Variants in ZNF695 observed in about 807,000 individuals in gnomAD.
The protein encoded by ZNF695 is zinc finger protein 695, also known as zinc finger protein SBZF3.
ZNF695 carries 11 observed loss-of-function variants against 11.2 expected under a neutral mutation model. The observed-to-expected ratio is 0.98, with a 90% CI of 0.62 to 1.62. The LOEUF (loss-of-function observed/expected upper bound fraction) is 1.62, where lower values mean the gene tolerates loss of function less well. Among genes scored for constraint, ZNF695 ranks in the 40% most tolerant of loss-of-function variants. The pLI is 0.00. For synonymous variants in ZNF695, 190 were observed against 201.4 expected (o/e 0.94, Z 0.48); for missense variants, 559 against 590.5 (o/e 0.95, Z 0.55).
At chr1:247,007,539 A>G (rs1210189746) in intron 1 of ZNF695, among the ~76,000 whole-genome samples, 1 of 148,774 alleles carries the variant, frequency 6.7e-6, no homozygotes, top group Non-Finnish European at 1.5e-5. Flanking sequence ...CCCACAGACC[A>G]CAGCTCCTCC....
chr1:246,961,987 G>A (rs1466696222), intron 5 of ZNF695, among the ~76,000 whole-genome samples: 1 of 152,226 alleles, frequency 6.6e-6, no homozygotes. Context: ...GACGGTGGTG[G>A]TGACGATCAC....
Position 246,985,575 on chromosome 1 carries a change from A to C in ZNF695, c.*1392T>G. 1 of 984,264 alleles carries C rather than the reference A, an allele frequency of 1.0e-6. No homozygotes were observed. The highest frequency in any genetic ancestry group is 1.7e-5 in the African/African-American group (1 of 57,258). 61.0% of individuals were successfully genotyped at this position (984,264 alleles called of 1,614,324 possible). A position where few individuals can be genotyped will look rare whatever the true frequency, so the allele number is the denominator to read the frequency against. ...TAACGTTGGTGGTAGGATACGCATC[A>C]CTTAATGTACAACGGTCCAAAGACA... is the stretch of plus-strand genomic sequence containing the variant. On this transcript the variant is annotated 3_prime_UTR_variant, in exon 4 of 4. Transcript: ENST00000339986.
downstream of ZNF695, among the ~76,000 whole-genome samples, chr1:246,983,928 G>C (rs1346260671): frequency 6.6e-6 from 1 of 152,032 alleles, no homozygotes; most frequent in Non-Finnish European, 1.5e-5. Context: ...GGCCAAGGCA[G>C]GTCAGTCACT....
At chr1:246,977,228 A>G (rs1180059171) in intron 4 of ZNF695, among the ~76,000 whole-genome samples, 1 of 152,178 alleles carries the variant, frequency 6.6e-6, no homozygotes, top group Non-Finnish European at 1.5e-5. Flanking sequence ...TGTTTTGTAC[A>G]AGGTTGTGAA....
At position 246,999,431 on chromosome 1, in the gene ZNF695, A is replaced by G. The variant is rs1276634172; in HGVS notation, c.176T>C (p.Met59Thr). ...ACAGATGATCAGTTCTGGCTTAGAC[A>G]TAGCAAGACCTGTTTTATTAGAAAA... ...NMQFLFHSLA[M>T]SKPELIICLE... The change falls in exon 3 of 4, where the codon ATG becomes ACG. Residue 59 changes from methionine (M) to threonine (T), a missense_variant. Transcript: ENST00000339986. 6.2e-6 allele frequency: 10 copies of G among 1,613,570 alleles called. No individual in the cohort carries two copies. The highest frequency in any genetic ancestry group is 1.7e-5 in the Admixed American group (1 of 59,986).
downstream of ZNF695, among the ~76,000 whole-genome samples, chr1:246,983,844 T>C (rs1235249506): frequency 6.7e-6 from 1 of 149,266 alleles, no homozygotes; most frequent in Non-Finnish European, 1.5e-5. Context: ...CAAACAAAAA[T>C]CTATCATCAC....
At chr1:247,003,065 A>C (rs894464742) in intron 1 of ZNF695, among the ~76,000 whole-genome samples, 8 of 152,208 alleles carry the variant, frequency 5.3e-5, no homozygotes, top group Non-Finnish European at 1.5e-5. Context: ...GATTTCTGAA[A>C]GAACTTAAAA....
intron 4 of ZNF695, among the ~76,000 whole-genome samples, chr1:246,972,561 G>A (rs548416502): frequency 4.6e-5 from 7 of 152,178 alleles, no homozygotes; most frequent in East Asian, 1.9e-4. Flanking sequence ...TCATTCTGTC[G>A]CCCAGGCTGG....
At chr1:247,005,433 T>C (rs948743170) in intron 1 of ZNF695, among the ~76,000 whole-genome samples, 9 of 152,172 alleles carry the variant, frequency 5.9e-5, no homozygotes, top group African/African-American at 2.2e-4. Flanking sequence ...GGCTCATGCA[T>C]GTAATCTCAG....
rs878975270 is a variant in ZNF695 at position 246,987,302 on chromosome 1, G to T, written c.1213C>A (p.Gln405Lys). 1 of 1,609,322 alleles carries T rather than the reference G, an allele frequency of 6.2e-7. No individual in the cohort carries two copies. Among genetic ancestry groups the T allele is most frequent in the Admixed American group, 1.7e-5 (1 of 59,550 alleles). The change falls in exon 4 of 4, where the codon CAG (glutamine) becomes AAG (lysine). Residue 405 changes from glutamine (Q) to lysine (K), a missense_variant. Transcript: ENST00000339986. ...LIQHKRIHTG[Q>K]KPYKCEECGK... ...CATTCCTCACATTTGTAGGGTTTCTGCCCAGTATGAATTCTCTTATGCTGA... is the reference window on the plus strand; with the variant it reads ...CATTCCTCACATTTGTAGGGTTTCTTCCCAGTATGAATTCTCTTATGCTGA...
In ZNF695 at chr1:246,995,636, C is replaced by T. The variant is rs374965971; in HGVS notation, c.259+3712G>A. Among the ~76,000 whole-genome samples, 160 of 151,878 alleles carry T rather than the reference C, an allele frequency of 1.1e-3. 6 individuals are homozygous for T. The South Asian group carries it at 0.031, about 30-fold the overall frequency. ...CCTGAGGTTATGAGTTAAAGACGAG[C>T]TTGGCCAACATGGTGAAACCCCGTC... On this transcript the variant is annotated intron_variant, in intron 3 of 3. Coordinates refer to ENST00000339986, the MANE Select transcript of ZNF695 (RefSeq NM_020394.5).
At chr1:246,978,959 T>A (rs577963903) in intron 4 of ZNF695, among the ~76,000 whole-genome samples, 1 of 152,368 alleles carries the variant, frequency 6.6e-6, no homozygotes, top group South Asian at 2.1e-4. Context: ...TGCTTTTAAG[T>A]GGACTCTAGT....
intron 5 of ZNF695, among the ~76,000 whole-genome samples, chr1:246,947,721 C>T (rs1160459911): frequency 2.6e-5 from 4 of 152,182 alleles, no homozygotes; most frequent in African/African-American, 9.7e-5. Flanking sequence ...ATAATGGGTA[C>T]AGACATCACT....
At chr1:246,977,317 T>C (rs1009234022) in intron 4 of ZNF695, among the ~76,000 whole-genome samples, 4 of 152,194 alleles carry the variant, frequency 2.6e-5, no homozygotes, top group East Asian at 1.9e-4. Flanking sequence ...AGTGCAGTGG[T>C]GTGATCTTGG....
chr1:246,984,280 TAAAAAAAAAAA>T (rs1278200712), downstream of ZNF695, among the ~76,000 whole-genome samples: 1 of 130,968 alleles, frequency 7.6e-6, no homozygotes. Flanking sequence ...ACACAGGTTT[TAAAAAAAAAAA>T]AAAAAAAAAG....
At chr1:246,994,546 A>C (rs968478863) in intron 3 of ZNF695, among the ~76,000 whole-genome samples, 6 of 145,672 alleles carry the variant, frequency 4.1e-5, no homozygotes, top group African/African-American at 1.6e-4. Context: ...ATCTCGAAAA[A>C]ACAAAACAAA....
At position 246,985,370 on chromosome 1, in the gene ZNF695, C is replaced by T. The variant is rs996993486; in HGVS notation, c.*1597G>A. On this transcript the variant is annotated 3_prime_UTR_variant, in exon 4 of 4. Coordinates refer to ENST00000339986, the MANE Select transcript of ZNF695 (RefSeq NM_020394.5). ...CTTTATTATAGCCTTAATAATGACACTGTCATTACAAAAAGAGCAAACAGA... is the reference window on the plus strand; with the variant it reads ...CTTTATTATAGCCTTAATAATGACATTGTCATTACAAAAAGAGCAAACAGA... 15 of 982,444 alleles carry T rather than the reference C, an allele frequency of 1.5e-5. No homozygotes were observed. Among genetic ancestry groups the T allele is most frequent in the African/African-American group, 5.2e-5 (3 of 57,160 alleles). The allele number at this position is 982,444 out of a possible 1,614,324, so 60.9% of individuals were successfully genotyped here.
intron 4 of ZNF695, among the ~76,000 whole-genome samples, chr1:246,974,109 T>C (rs1668494640): frequency 6.6e-6 from 1 of 151,562 alleles, no homozygotes; most frequent in Non-Finnish European, 1.5e-5. Flanking sequence ...GGCCATCCAT[T>C]GCTAACTTAT....
chr1:247,000,590 T>A (rs1037952658), intron 1 of ZNF695, among the ~76,000 whole-genome samples: 1 of 152,166 alleles, frequency 6.6e-6, no homozygotes, highest in Non-Finnish European at 1.5e-5. Context: ...TGGCTTAAGA[T>A]CCATGAAACC....
Sources: allele counts gnomAD v4.1 joint callset (sites outside exome capture counted in the v4.1 genomes callset), GRCh38; gene constraint gnomAD v4.1.1; transcripts MANE v1.5; gene names NCBI Gene and HGNC (gene_info 2026-07-23, HGNC 2026-07-21).